Variants in CC2D2A observed in about 807,000 individuals in gnomAD.
CC2D2A encodes coiled-coil and C2 domain-containing protein 2A.
CC2D2A carries 155 observed loss-of-function variants against 212.9 expected under a neutral mutation model. The observed-to-expected ratio is 0.73, with a 90% CI of 0.64 to 0.83. CC2D2A has a LOEUF of 0.83. Among genes scored for constraint, CC2D2A ranks in the 40% least tolerant of loss-of-function variants. CC2D2A has a pLI of 0.00. For synonymous variants in CC2D2A, 667 were observed against 686.5 expected, an observed-to-expected ratio of 0.97 and a Z score of 0.44; for missense variants, 1,856 against 1,956.2, an observed-to-expected ratio of 0.95 and a Z score of 0.97.
chr4:15,576,358 C>T, intron 29 of CC2D2A: 1 of 983,976 alleles, frequency 1.0e-6, no homozygotes. Flanking sequence ...TTTCCACTTA[C>T]AGCAATACTT....
At chr4:15,487,255 A>G (rs1204353020) in intron 4 of CC2D2A, among the ~76,000 whole-genome samples, 1 of 152,086 alleles carries the variant, frequency 6.6e-6, no homozygotes, top group Non-Finnish European at 1.5e-5. Flanking sequence ...ATCCTCAACT[A>G]TTATTAATGG....
intron 8 of CC2D2A, 67 bp downstream of exon 8, chr4:15,511,490 CAAGA>C (rs1716568590): frequency 2.2e-6 from 3 of 1,382,886 alleles, no homozygotes; most frequent in East Asian, 2.8e-5. Flanking sequence ...GATGTCCCTG[CAAGA>C]AAGAAAGTGG....
intron 17 of CC2D2A, among the ~76,000 whole-genome samples, chr4:15,542,614 A>G (rs946748428): frequency 2.0e-5 from 3 of 152,312 alleles, no homozygotes; most frequent in South Asian, 2.1e-4. Context: ...ATGGCTGTAT[A>G]ATTAATAAAA....
At chr4:15,478,584 A>C (rs1166265078) in intron 2 of CC2D2A, 139 bp from the exon 3 acceptor site, 1 of 641,680 alleles carries the variant, frequency 1.6e-6, no homozygotes, top group Non-Finnish European at 2.7e-6. Flanking sequence ...AGCCGCACAG[A>C]TTGTTAACTG....
At chr4:15,485,154 T>C (rs1714925277) in intron 4 of CC2D2A, among the ~76,000 whole-genome samples, 1 of 152,248 alleles carries the variant, frequency 6.6e-6, no homozygotes, top group Non-Finnish European at 1.5e-5. Context: ...GTCCTGCCTC[T>C]GGTAACCATC....
rs542835232 is a variant in CC2D2A, at chr4:15,483,402, G to A, written c.247+2575G>A. On this transcript the variant is annotated intron_variant, in intron 4 of 36. Coordinates refer to ENST00000424120, the MANE Select transcript of CC2D2A (RefSeq NM_001378615.1). ...CACAGATGTATGTGTAGAAAACACG[G>A]AGAGGGTCAAGAGCAAGATAGAAGC... Among the ~76,000 whole-genome samples, 8 of 152,304 alleles carry A rather than the reference G, an allele frequency of 5.3e-5. No homozygotes were observed. The South Asian group carries it at 8.3e-4, about 16-fold the overall frequency.
Position 15,553,180 on chromosome 4 carries a change from T to G in CC2D2A, c.2361T>G (p.Ala787=). ...VGSGVPFSFE[A]DGSNQLTLMT... is the part of the protein sequence containing the mutation. Reference sequence around the variant, plus strand: ...CAGGAGTGCCCTTCTCATTTGAAGCTGATGGCAGTAACCAGCTGACTCTGA... The same window carrying G: ...CAGGAGTGCCCTTCTCATTTGAAGCGGATGGCAGTAACCAGCTGACTCTGA... The change falls in exon 19 of 37, where the codon GCT becomes GCG. Residue 787 remains alanine (A), a synonymous_variant. Transcript: ENST00000424120. 1 of 1,604,168 alleles carries G rather than the reference T, an allele frequency of 6.2e-7. No homozygotes were observed. The highest frequency in any genetic ancestry group is 8.5e-7 in the Non-Finnish European group (1 of 1,176,546).
chr4:15,501,507 A>G (rs950624103), intron 4 of CC2D2A, among the ~76,000 whole-genome samples: 2 of 152,144 alleles, frequency 1.3e-5, no homozygotes, highest in African/African-American at 2.4e-5. Context: ...GTGACATCAG[A>G]GGCTCTCCAT....
At chr4:15,539,905 A>ACCCCC (rs1718332135) in intron 16 of CC2D2A, among the ~76,000 whole-genome samples, 3 of 152,212 alleles carry the variant, frequency 2.0e-5, no homozygotes, top group African/African-American at 7.2e-5. Flanking sequence ...AGTCTAAATT[A>ACCCCC]TAGACATGTA....
intron 11 of CC2D2A, among the ~76,000 whole-genome samples, chr4:15,525,423 C>G (rs538292014): frequency 6.6e-6 from 1 of 152,176 alleles, no homozygotes; most frequent in East Asian, 1.9e-4. Context: ...TTAATTAATC[C>G]AGGTAATCTG....
At chr4:15,516,945 T>C (rs1340547228) in intron 11 of CC2D2A, among the ~76,000 whole-genome samples, 189 bp downstream of exon 11, 4 of 21,376 alleles carry the variant, frequency 1.9e-4, no homozygotes, top group Non-Finnish European at 4.9e-4. Context: ...GCATCCCTTC[T>C]TTTTTTTTTT....
chr4:15,480,231 G>A (rs541674937), intron 3 of CC2D2A, among the ~76,000 whole-genome samples: 2 of 152,296 alleles, frequency 1.3e-5, no homozygotes, highest in East Asian at 1.9e-4. Context: ...TGTCCTCAAA[G>A]GTGTTATTGC....
chr4:15,542,778 G>T (rs1027534249), intron 17 of CC2D2A, among the ~76,000 whole-genome samples: 1 of 152,140 alleles, frequency 6.6e-6, no homozygotes, highest in Admixed American at 6.5e-5. Flanking sequence ...CGCCTCCAGG[G>T]TCCTGTTCCC....
chr4:15,524,634 G>C (rs1717408673), intron 11 of CC2D2A, among the ~76,000 whole-genome samples: 1 of 151,042 alleles, frequency 6.6e-6, no homozygotes, highest in Non-Finnish European at 1.5e-5. Flanking sequence ...TGTATTTTCA[G>C]TAGAGACGGG....
chr4:15,593,422 T>G (rs975017933), intron 33 of CC2D2A, among the ~76,000 whole-genome samples: 8 of 152,186 alleles, frequency 5.3e-5, no homozygotes, highest in Non-Finnish European at 2.9e-5. Flanking sequence ...TCAAAGTTCA[T>G]CAAACCTCTT....
chr4:15,524,502 G>C (rs947168001), intron 11 of CC2D2A, among the ~76,000 whole-genome samples: 13 of 142,418 alleles, frequency 9.1e-5, no homozygotes, highest in African/African-American at 3.5e-4. Context: ...CCAGGCTGGA[G>C]TGCAGTAGCG....
At chr4:15,502,674 A>G in intron 5 of CC2D2A, 148 bp from the exon 6 acceptor site, 2 of 978,702 alleles carry the variant, frequency 2.0e-6, no homozygotes, top group Non-Finnish European at 3.0e-6. Flanking sequence ...ATTGGCACAG[A>G]TGAAAATTAT....
chr4:15,528,587 G>A, intron 12 of CC2D2A, 33 bp from the exon 13 acceptor site: 2 of 1,589,370 alleles, frequency 1.3e-6, no homozygotes, highest in Non-Finnish European at 1.7e-6. Context: ...AATAGAGTTT[G>A]TAACCCAAAA....
chr4:15,505,144 G>C (rs954164075), intron 6 of CC2D2A, among the ~76,000 whole-genome samples: 39 of 152,300 alleles, frequency 2.6e-4, no homozygotes, highest in African/African-American at 7.7e-4. Flanking sequence ...AAGTATTAAT[G>C]ATTGTTAGAT....
Sources: gnomAD v4.1 joint callset for allele counts (sites outside exome capture counted in the v4.1 genomes callset) on GRCh38, gnomAD v4.1.1 for gene constraint, MANE v1.5 for transcripts, NCBI Gene and HGNC (gene_info 2026-07-23, HGNC 2026-07-21) for gene names.